TRAPPC10: variants seen among roughly 807,000 people sequenced by gnomAD.
TRAPPC10 encodes TRAPP 130 kDa subunit.
A neutral mutation model predicts 125.5 loss-of-function variants in TRAPPC10; 23 were observed. The observed-to-expected ratio is 0.18, with a 90% CI of 0.13 to 0.26. TRAPPC10 has a LOEUF of 0.26. Ranked by LOEUF, TRAPPC10 falls within the 10% of genes least tolerant of loss-of-function variation. The pLI is 1.00. For missense variants in TRAPPC10, 1,123 were observed against 1,308.4 expected (o/e 0.86, Z 2.19); for synonymous variants, 509 against 518.0 (o/e 0.98, Z 0.24).
In TRAPPC10 at chr21:44,016,798, A is replaced by G. The variant is rs547674956; in HGVS notation, c.67+4238A>G. Among the ~76,000 whole-genome samples, 16 of 152,246 alleles carry G rather than the reference A, an allele frequency of 1.1e-4. No homozygotes were observed. The East Asian group carries it at 3.1e-3, about 29-fold the overall frequency. On this transcript the variant is annotated intron_variant, in intron 1 of 22. Transcript: ENST00000291574. ...CTCAGCCTTCCGAGTAGCTGGGACT[A>G]CAGGCGCCCGCCACCACGCCTGGCT...
chr21:44,024,130 A>G (rs985865603), intron 1 of TRAPPC10, among the ~76,000 whole-genome samples: 1 of 152,228 alleles, frequency 6.6e-6, no homozygotes, highest in Non-Finnish European at 1.5e-5. Flanking sequence ...AAAATACATC[A>G]TAAGTTCACT....
Position 44,012,335 on chromosome 21 carries a change from CCGGCAGCAGCGGG to C in TRAPPC10, c.-151_-139del, listed in dbSNP as rs902459677. The C allele has an allele frequency of 4.9e-4, 100 of 204,822 alleles. No individual in the cohort carries two copies. Among genetic ancestry groups the C allele is most frequent in the Middle Eastern group, 2.6e-3 (1 of 386 alleles). The allele number at this position is 204,822 out of a possible 1,614,324, so 12.7% of individuals were successfully genotyped here. On this transcript the variant is annotated 5_prime_UTR_variant, in exon 1 of 23. Coordinates refer to ENST00000291574, the MANE Select transcript of TRAPPC10 (RefSeq NM_003274.5). Reference sequence around the variant, plus strand: ...GCGCCGAGGCCGGAAGTGGCTGAGGCCGGCAGCAGCGGGCGGCAGCTGCGGCGCAACCGGCTCC... The same window carrying C: ...GCGCCGAGGCCGGAAGTGGCTGAGGCCGGCAGCTGCGGCGCAACCGGCTCC...
At chr21:44,037,080 C>T (rs545322139) in intron 2 of TRAPPC10, among the ~76,000 whole-genome samples, 86 of 152,106 alleles carry the variant, frequency 5.7e-4, no homozygotes, top group Non-Finnish European at 8.2e-4. Flanking sequence ...ACCCTTAGAT[C>T]GGATGAAAAA....
chr21:44,052,303 A>T lies in TRAPPC10; in HGVS notation c.309A>T (p.Thr103=), dbSNP rs746111144. The T allele has an allele frequency of 1.2e-6, 2 of 1,601,738 alleles. No homozygotes were observed. Among genetic ancestry groups the T allele is most frequent in the South Asian group, 1.1e-5 (1 of 88,160 alleles). ...ECCDTEVYKA[T]VKDDLTKWQN... ...AGGATACCGAAGTGTATAAAGCTAC[A>T]GTAAAAGATGACCTCACCAAGTGGC... Residue 103 remains threonine (T), a synonymous_variant, in exon 4 of 23, where the codon ACA becomes ACT. Transcript: ENST00000291574.
intron 3 of TRAPPC10, among the ~76,000 whole-genome samples, chr21:44,047,563 T>TGTGC (rs923380331): frequency 6.8e-6 from 1 of 147,866 alleles, no homozygotes; most frequent in Non-Finnish European, 1.5e-5. Flanking sequence ...TGTGTGTGTG[T>TGTGC]GTGCGCGCAC....
intron 15 of TRAPPC10, among the ~76,000 whole-genome samples, chr21:44,086,543 T>A (rs1019152213): frequency 6.6e-6 from 1 of 152,224 alleles, no homozygotes; most frequent in African/African-American, 2.4e-5. Flanking sequence ...CCTGACTTGC[T>A]GAACCAAGAT....
intron 3 of TRAPPC10, among the ~76,000 whole-genome samples, chr21:44,049,750 C>G (rs543010763): frequency 6.6e-6 from 1 of 152,346 alleles, no homozygotes; most frequent in African/African-American, 2.4e-5. Flanking sequence ...CCCTGATGCC[C>G]TGCCCCTGGC....
chr21:44,073,548 A>C (rs774095166), intron 7 of TRAPPC10, among the ~76,000 whole-genome samples: 1 of 152,168 alleles, frequency 6.6e-6, no homozygotes, highest in Non-Finnish European at 1.5e-5. Context: ...TTTTAAGTGG[A>C]AAGGCTCAAG....
chr21:44,094,053 C>T lies in TRAPPC10; in HGVS notation c.2998-10C>T, dbSNP rs765776297. 1.9e-6 allele frequency: 3 copies of T among 1,610,928 alleles called. No homozygotes were observed. Among genetic ancestry groups the T allele is most frequent in the Admixed American group, 1.7e-5 (1 of 59,448 alleles). On this transcript the variant is annotated splice_polypyrimidine_tract_variant and intron_variant, in intron 19 of 22. Transcript: ENST00000291574. Reference sequence around the variant, plus strand: ...GCTGTGTGAGCAGTGACCCCCAACTCTCTTTCCAGCCCATCTACAGCAAGC... The same window carrying T: ...GCTGTGTGAGCAGTGACCCCCAACTTTCTTTCCAGCCCATCTACAGCAAGC...
chr21:44,064,341 G>A (rs1026794265), intron 7 of TRAPPC10, among the ~76,000 whole-genome samples: 4 of 147,160 alleles, frequency 2.7e-5, no homozygotes, highest in African/African-American at 1.0e-4. Context: ...GTGTGTGTGA[G>A]TGTGAGAATG....
intron 3 of TRAPPC10, among the ~76,000 whole-genome samples, chr21:44,040,771 T>C (rs897716645): frequency 6.1e-5 from 4 of 65,148 alleles, no homozygotes; most frequent in Admixed American, 1.4e-4. Flanking sequence ...CACGCCTGCC[T>C]TTTTTTTTTT....
chr21:44,077,526 A>G (rs1025328458), intron 10 of TRAPPC10, among the ~76,000 whole-genome samples, 167 bp from the exon 11 acceptor site: 1 of 152,228 alleles, frequency 6.6e-6, no homozygotes, highest in Admixed American at 6.5e-5. Context: ...CGGAGGTTGC[A>G]GTGAGCTGAG....
At position 44,014,496 on chromosome 21, in the gene TRAPPC10, C is replaced by T. The variant is rs796859923; in HGVS notation, c.67+1936C>T. ...TCTTGGCTCACTGCAACCTCTGCCTCCCGGGTTCAAGCGATTCTCCTTCCT... is the reference window on the plus strand; with the variant it reads ...TCTTGGCTCACTGCAACCTCTGCCTTCCGGGTTCAAGCGATTCTCCTTCCT... On this transcript the variant is annotated intron_variant, in intron 1 of 22. Coordinates refer to ENST00000291574, the MANE Select transcript of TRAPPC10 (RefSeq NM_003274.5). 5.9e-5 allele frequency among the ~76,000 whole-genome samples: 9 copies of T among 152,118 alleles called. No individual in the cohort carries two copies. The South Asian group carries it at 1.2e-3, about 21-fold the overall frequency.
intron 7 of TRAPPC10, among the ~76,000 whole-genome samples, chr21:44,070,455 G>A (rs1569192937): frequency 2.0e-5 from 3 of 152,238 alleles, no homozygotes; most frequent in African/African-American, 7.2e-5. Context: ...CCAGAGTGAG[G>A]TGACCAAGCT....
intron 9 of TRAPPC10, among the ~76,000 whole-genome samples, chr21:44,075,680 C>A (rs2037225188): frequency 6.6e-6 from 1 of 152,128 alleles, no homozygotes; most frequent in African/African-American, 2.4e-5. Context: ...GAGATGGAGT[C>A]TCGCTGTATT....
rs1048119629 is a variant in TRAPPC10, at chr21:44,082,380, C to T, written c.1724-408C>T. 6.6e-6 allele frequency among the ~76,000 whole-genome samples: 1 copy of T among 152,180 alleles called. No individual in the cohort carries two copies. Among genetic ancestry groups the T allele is most frequent in the Non-Finnish European group, 1.5e-5 (1 of 68,048 alleles). On this transcript the variant is annotated intron_variant, in intron 13 of 22. Coordinates refer to ENST00000291574, the MANE Select transcript of TRAPPC10 (RefSeq NM_003274.5). This position sits in a 1 kb window ranked among gnomAD's most constrained non-coding sequence, Gnocchi z 4.4. Reference sequence around the variant, plus strand: ...ACACCTGGGGTTTGTTTCCACATCACAGCAGGGCACTTGGGCATCTTCACT... The same window carrying T: ...ACACCTGGGGTTTGTTTCCACATCATAGCAGGGCACTTGGGCATCTTCACT...
chr21:44,066,916 G>GA (rs1437819728), intron 7 of TRAPPC10, among the ~76,000 whole-genome samples: 1 of 152,154 alleles, frequency 6.6e-6, no homozygotes, highest in Non-Finnish European at 1.5e-5. Context: ...CCTTTGGTAA[G>GA]AAAAAAGTAT....
In TRAPPC10 at chr21:44,082,706, T is replaced by G. The variant is rs2037839908; in HGVS notation, c.1724-82T>G. ...GCTTGCTTCAGTCTGCTCTCGGTGATCTTACTGTGTCCGCGGCCTGCTGCT... is the reference window on the plus strand; with the variant it reads ...GCTTGCTTCAGTCTGCTCTCGGTGAGCTTACTGTGTCCGCGGCCTGCTGCT... On this transcript the variant is annotated intron_variant, in intron 13 of 22. Transcript: ENST00000291574. This position sits in a 1 kb window ranked among gnomAD's most constrained non-coding sequence, Gnocchi z 4.4. The G allele has an allele frequency of 6.6e-7, 1 of 1,506,582 alleles. No individual in the cohort carries two copies. The highest frequency in any genetic ancestry group is 1.7e-5 in the Admixed American group (1 of 58,594). The allele number at this position is 1,506,582 out of a possible 1,614,324, so 93.3% of individuals were successfully genotyped here.
intron 7 of TRAPPC10, among the ~76,000 whole-genome samples, chr21:44,065,209 G>A (rs1236016337): frequency 6.6e-6 from 1 of 152,180 alleles, no homozygotes; most frequent in East Asian, 1.9e-4. Flanking sequence ...TTATTACCTT[G>A]TGGCTGGAAG....
Sources: gnomAD v4.1 joint callset for allele counts (sites outside exome capture counted in the v4.1 genomes callset) on GRCh38, gnomAD v4.1.1 for gene constraint, Gnocchi (gnomAD v3.1) non-coding constraint, MANE v1.5 for transcripts, NCBI Gene and HGNC (gene_info 2026-07-23, HGNC 2026-07-21) for gene names.